MBTD1: variants seen among roughly 807,000 people sequenced by gnomAD.
MBTD1 encodes mbt domain containing 1, also known as MBT domain-containing protein 1.
A neutral mutation model predicts 87.8 loss-of-function variants in MBTD1; 24 were observed. The ratio of observed to expected loss-of-function variants is 0.27; its 90% CI spans 0.20 to 0.38. The LOEUF (loss-of-function observed/expected upper bound fraction) is 0.38. Among genes scored for constraint, MBTD1 ranks in the 10% least tolerant of loss-of-function variants. The pLI, the probability that MBTD1 is intolerant of heterozygous loss-of-function variation, is 1.00. For synonymous variants in MBTD1, 237 were observed against 248.6 expected (o/e 0.95, Z 0.44); for missense variants, 436 against 760.2 (o/e 0.57, Z 5.02).
At chr17:51,238,140 T>C (rs2053958268) in intron 2 of MBTD1, among the ~76,000 whole-genome samples, 1 of 152,058 alleles carries the variant, frequency 6.6e-6, no homozygotes. Context: ...GAGGAAACTT[T>C]TAGAGATGAG....
chr17:51,230,116 G>A (rs932462620), intron 2 of MBTD1, among the ~76,000 whole-genome samples: 1 of 152,072 alleles, frequency 6.6e-6, no homozygotes. Flanking sequence ...TAACTTTTAG[G>A]TATTTCTATA....
At chr17:51,247,593 C>A (rs2054523168) in intron 2 of MBTD1, among the ~76,000 whole-genome samples, 1 of 152,048 alleles carries the variant, frequency 6.6e-6, no homozygotes, top group South Asian at 2.1e-4. Flanking sequence ...GGACTATAGG[C>A]ACAGGCCACT....
intron 2 of MBTD1, among the ~76,000 whole-genome samples, chr17:51,238,101 A>G (rs1179016543): frequency 6.6e-6 from 1 of 152,138 alleles, no homozygotes; most frequent in Admixed American, 6.6e-5. Flanking sequence ...GGGGGCCAGG[A>G]GTGGAAAAGG....
chr17:51,197,304 G>A (rs190838592), intron 12 of MBTD1, among the ~76,000 whole-genome samples: 203 of 151,142 alleles, frequency 1.3e-3, no homozygotes, highest in Non-Finnish European at 2.6e-3. Flanking sequence ...GTTTCGCCAT[G>A]TTGGCTGGGC....
chr17:51,255,047 C>T (rs900887146), intron 2 of MBTD1, among the ~76,000 whole-genome samples: 6 of 152,188 alleles, frequency 3.9e-5, no homozygotes, highest in African/African-American at 1.4e-4. Flanking sequence ...CTTTGGGAGG[C>T]TGAGGCGGGC....
At chr17:51,241,560 A>G (rs1001036665) in intron 2 of MBTD1, among the ~76,000 whole-genome samples, 5 of 151,298 alleles carry the variant, frequency 3.3e-5, no homozygotes. Flanking sequence ...ATGGATTTCT[A>G]TTTTTCAATG....
intron 6 of MBTD1, among the ~76,000 whole-genome samples, chr17:51,214,939 G>T (rs376049048): frequency 1.1e-4 from 16 of 152,212 alleles, no homozygotes; most frequent in African/African-American, 3.9e-4. Context: ...CTGTTTCGGA[G>T]GGGACAACCA....
chr17:51,212,214 C>T (rs1460999425), intron 6 of MBTD1, among the ~76,000 whole-genome samples: 3 of 151,372 alleles, frequency 2.0e-5, no homozygotes, highest in African/African-American at 4.9e-5. Flanking sequence ...AAAAATTAGC[C>T]GAGTGTGGTT....
At chr17:51,191,802 C>T (rs2050827608) in intron 16 of MBTD1, 2 of 175,006 alleles carry the variant, frequency 1.1e-5, no homozygotes, top group African/African-American at 2.4e-5. Context: ...AGGATGGTCT[C>T]GATCTCCTGA....
In MBTD1 at chr17:51,203,803, C is replaced by T. The variant is rs1356641996; in HGVS notation, c.727G>A (p.Val243Ile). 2 of 1,611,078 alleles carry T rather than the reference C, an allele frequency of 1.2e-6. No homozygotes were observed. The highest frequency in any genetic ancestry group is 1.7e-5 in the Admixed American group (1 of 58,652). Residue 243 changes from valine to isoleucine, a missense_variant, in exon 8 of 17, where the codon GTT (valine) becomes ATT (isoleucine). This residue lies in a region of MBTD1 where 268 missense variants were observed against 401.8 expected (regional missense o/e 0.67). Transcript: ENST00000586178. ...ATAAACTACTTACTTCTAGGAGGAA[C>T]AAGAGGTTTTCCGCTGGCTGCACAC... ...GWCAASGKPL[V>I]PPRTIQHKYT...
At chr17:51,202,228 A>G in intron 10 of MBTD1, 151 bp from the exon 11 acceptor site, 1 of 616,170 alleles carries the variant, frequency 1.6e-6, no homozygotes, top group African/African-American at 1.9e-5. Context: ...ATTCTTTAAT[A>G]GTCTTTTCTC....
chr17:51,222,562 G>A (rs1018537719), intron 3 of MBTD1, among the ~76,000 whole-genome samples: 6 of 151,512 alleles, frequency 4.0e-5, no homozygotes, highest in Non-Finnish European at 8.8e-5. Flanking sequence ...ACGCCACCAT[G>A]CCTGGCTAAT....
At chr17:51,228,353 C>A (rs1331995850) in intron 2 of MBTD1, among the ~76,000 whole-genome samples, 3 of 151,928 alleles carry the variant, frequency 2.0e-5, no homozygotes, top group Non-Finnish European at 2.9e-5. Context: ...ACGTAGCAAA[C>A]CTGCACAAGT....
At chr17:51,220,183 T>C in intron 4 of MBTD1, 147 bp downstream of exon 4, 1 of 657,378 alleles carries the variant, frequency 1.5e-6, no homozygotes. Context: ...GAACAAACTT[T>C]GGGGCTCACA....
intron 7 of MBTD1, among the ~76,000 whole-genome samples, chr17:51,206,633 C>T (rs2051854745): frequency 6.6e-6 from 1 of 152,076 alleles, no homozygotes; most frequent in South Asian, 2.1e-4. Context: ...ACAATCATGT[C>T]CATTTGTTTA....
At position 51,227,254 on chromosome 17, in the gene MBTD1, A is replaced by G. The variant is rs893164244; in HGVS notation, c.-48-2045T>C. The stretch of plus-strand genomic sequence containing the variant: ...GAGACTCTGTCTCCAAAAAAAAAAA[A>G]AAAAAAAAAAAAAATTGCTTTGCTG... On this transcript the variant is annotated intron_variant, in intron 2 of 16. Transcript: ENST00000586178. Among the ~76,000 whole-genome samples, 10 of 40,816 alleles carry G rather than the reference A, an allele frequency of 2.5e-4. 1 individual carries two copies. The East Asian group carries it at 8.4e-3, about 34-fold the overall frequency. The allele number at this position is 40,816 out of a possible 152,430, so 26.8% of individuals were successfully genotyped here. A position where few individuals can be genotyped will look rare whatever the true frequency, so the allele number is the denominator to read the frequency against.
chr17:51,235,937 G>T (rs1241942126), intron 2 of MBTD1, among the ~76,000 whole-genome samples: 3 of 152,110 alleles, frequency 2.0e-5, no homozygotes. Flanking sequence ...TAGGGTTTTA[G>T]CATGAATATA....
intron 6 of MBTD1, among the ~76,000 whole-genome samples, chr17:51,208,668 G>T (rs1266492349): frequency 6.6e-6 from 1 of 152,174 alleles, no homozygotes; most frequent in African/African-American, 2.4e-5. Context: ...TGTGAATTGG[G>T]TTTATTTTTC....
chr17:51,192,070 C>CTGCACCTTTAAGCATAATACATAA, intron 16 of MBTD1, 133 bp downstream of exon 16: 1 of 701,776 alleles, frequency 1.4e-6, no homozygotes, highest in Non-Finnish European at 2.5e-6. Flanking sequence ...TTATGGCATA[C>CTGCACCTTTAAGCATAATACATAA]TGCACCTTTA....
Sources: allele counts gnomAD v4.1 joint callset (sites outside exome capture counted in the v4.1 genomes callset), GRCh38; gene constraint gnomAD v4.1.1; regional missense constraint gnomAD v4.1.1; transcripts MANE v1.5; gene names NCBI Gene and HGNC (gene_info 2026-07-23, HGNC 2026-07-21).